Variants in ROBO4 observed in about 807,000 individuals in gnomAD.
ROBO4 encodes the protein roundabout guidance receptor 4.
Under a neutral mutation model 103.3 loss-of-function variants are expected in ROBO4, and 80 were observed. The ratio of observed to expected loss-of-function variants is 0.77; its 90% CI spans 0.65 to 0.93. ROBO4 has a LOEUF of 0.93. ROBO4 is among the 40% of genes least tolerant of loss of function. The pLI, the probability that ROBO4 is intolerant of heterozygous loss-of-function variation, is 0.00. For synonymous variants in ROBO4, 504 were observed against 529.7 expected, an observed-to-expected ratio of 0.95 and a Z score of 0.67; for missense variants, 1,333 against 1,305.3, an observed-to-expected ratio of 1.02 and a Z score of -0.33.
chr11:124,895,779 C>G lies in ROBO4; in HGVS notation c.807+6G>C, dbSNP rs1235457778. On this transcript the variant is annotated splice_donor_region_variant and intron_variant, in intron 5 of 17. Coordinates refer to ENST00000306534, the MANE Select transcript of ROBO4 (RefSeq NM_019055.6). ...TCGGCTTTTACCCTTAGCACCTGGT[C>G]CTCACCTTCCAGCTGAGCCACACCG... is the stretch of plus-strand genomic sequence containing the variant. The G allele has an allele frequency of 6.2e-7, 1 of 1,614,126 alleles. No individual in the cohort carries two copies. The highest frequency in any genetic ancestry group is 2.2e-5 in the East Asian group (1 of 44,876).
rs765501810 is a variant in ROBO4, at chr11:124,887,764, A to G, written c.2025T>C (p.Asn675=). The change falls in exon 13 of 18, where the codon AAT becomes AAC. Residue 675 remains asparagine (N), a synonymous_variant. Coordinates refer to ENST00000306534, the MANE Select transcript of ROBO4 (RefSeq NM_019055.6). ...SLELRACELG[N]RGSKNLSQSP... Reference sequence around the variant, plus strand: ...TTTGGGAAAGGTTCTTGGAACCTCTATTTCCTAACTCACAGGCCCGGAGCT... The same window carrying G: ...TTTGGGAAAGGTTCTTGGAACCTCTGTTTCCTAACTCACAGGCCCGGAGCT... The G allele has an allele frequency of 5.1e-5, 83 of 1,613,824 alleles. No homozygotes were observed. Among genetic ancestry groups the G allele is most frequent in the Admixed American group, 3.7e-4 (22 of 59,960 alleles).
In ROBO4 at chr11:124,896,725, C is replaced by T. The variant is rs1330340523; in HGVS notation, c.401-55G>A. 8 of 1,576,096 alleles carry T rather than the reference C, an allele frequency of 5.1e-6. No homozygotes were observed. In the South Asian group the frequency reaches 9.3e-5, roughly 18 times the overall value. ...CAGGGCCCAGGCCTCTTCTCTCTCCCTTATCACTCTTGCCCCCTTCTGCTT... is the reference window on the plus strand; with the variant it reads ...CAGGGCCCAGGCCTCTTCTCTCTCCTTTATCACTCTTGCCCCCTTCTGCTT... On this transcript the variant is annotated intron_variant, in intron 2 of 17. Transcript: ENST00000306534.
chr11:124,887,084 G>A lies in ROBO4; in HGVS notation c.2328C>T (p.Arg776=), dbSNP rs765855965. 6 of 1,613,842 alleles carry A rather than the reference G, an allele frequency of 3.7e-6. No individual in the cohort carries two copies. Among genetic ancestry groups the A allele is most frequent in the Admixed American group, 1.7e-5 (1 of 60,016 alleles). Reference sequence around the variant, plus strand: ...GGGATGACAGTGAGGAGCTGGACAGGCGACTGGAAGCTGGGCTGGGGCCAG... The same window carrying A: ...GGGATGACAGTGAGGAGCTGGACAGACGACTGGAAGCTGGGCTGGGGCCAG... ...SLSGPSPASS[R]LSSSSLSSLG... is the part of the protein sequence containing the mutation. The change falls in exon 15 of 18, where the codon CGC becomes CGT. Residue 776 remains arginine, a synonymous_variant. Coordinates refer to ENST00000306534, the MANE Select transcript of ROBO4 (RefSeq NM_019055.6).
intron 16 of ROBO4, among the ~76,000 whole-genome samples, chr11:124,886,149 C>T (rs1219398991): frequency 1.3e-5 from 2 of 152,208 alleles, no homozygotes; most frequent in Non-Finnish European, 2.9e-5. Flanking sequence ...TGAGATCATG[C>T]CACTGCCTGG....
Position 124,886,598 on chromosome 11 carries a change from C to T in ROBO4, c.2660G>A (p.Ser887Asn), listed in dbSNP as rs1691174761. 6.2e-7 allele frequency: 1 copy of T among 1,614,210 alleles called. No homozygotes were observed. The change falls in exon 16 of 18, where the codon AGC becomes AAC. Residue 887 changes from serine (S) to asparagine (N), a missense_variant. Transcript: ENST00000306534. ...GGAGCTGACAAGGCTGGCTCTGGCG[C>T]TGGCGGCATTGTCCTCAGAGGCTGA... ...WGSASEDNAASARASLVSSSD... is the reference protein window; with the variant it reads ...WGSASEDNAANARASLVSSSD...
At chr11:124,885,340 G>A in intron 16 of ROBO4, 93 bp from the exon 17 acceptor site, 2 of 1,047,602 alleles carry the variant, frequency 1.9e-6, no homozygotes, top group Non-Finnish European at 2.8e-6. Flanking sequence ...CTCAGGGCAT[G>A]TACCCAGCCC....
Position 124,891,536 on chromosome 11 carries a change from C to T in ROBO4, c.1711G>A (p.Gly571Ser), listed in dbSNP as rs369179467. The T allele has an allele frequency of 3.0e-5, 49 of 1,614,030 alleles. No individual in the cohort carries two copies. The highest frequency in any genetic ancestry group is 2.2e-4 in the Admixed American group (13 of 60,000). The change falls in exon 12 of 18, where the codon GGC becomes AGC. Residue 571 changes from glycine to serine, a missense_variant. Gly to Ser is a moderately conservative substitution (Grantham distance 56). Transcript: ENST00000306534. ...CTGGTGTCTGGAAGCAGGGGCACGCCGGGGCTTCGGGAGTCCCAGGAGAGC... is the reference window on the plus strand; with the variant it reads ...CTGGTGTCTGGAAGCAGGGGCACGCTGGGGCTTCGGGAGTCCCAGGAGAGC... The part of the protein sequence containing the change: ...SLLSWDSRSP[G>S]VPLLPDTSTF...
chr11:124,895,947 G>A, intron 4 of ROBO4, 35 bp from the exon 5 acceptor site: 1 of 1,611,274 alleles, frequency 6.2e-7, no homozygotes, highest in Non-Finnish European at 8.5e-7. Flanking sequence ...GGGGCTTATA[G>A]GCCAGAGTGA....
At chr11:124,885,845 G>C (rs1377496802) in intron 16 of ROBO4, among the ~76,000 whole-genome samples, 2 of 152,148 alleles carry the variant, frequency 1.3e-5, no homozygotes, top group African/African-American at 4.8e-5. Context: ...CGGGGTAAGA[G>C]GGGAGTCCTA....
chr11:124,895,002 G>A, intron 7 of ROBO4, 79 bp downstream of exon 7: 3 of 1,122,774 alleles, frequency 2.7e-6, no homozygotes, highest in Non-Finnish European at 2.7e-6. Flanking sequence ...TCAGTGCCCA[G>A]AGCAAGGGTA....
chr11:124,895,338 G>T (rs905320982), intron 6 of ROBO4, 119 bp downstream of exon 6: 48 of 1,180,544 alleles, frequency 4.1e-5, no homozygotes, highest in Admixed American at 6.0e-5. Context: ...GGGCAGAAGG[G>T]AGTCCCAGGG....
chr11:124,892,050 A>G, intron 10 of ROBO4: 1 of 685,338 alleles, frequency 1.5e-6, no homozygotes, highest in Non-Finnish European at 2.7e-6. Flanking sequence ...TAGTAATGAC[A>G]GACAGCTATG....
At chr11:124,894,465 G>A in intron 7 of ROBO4, 96 bp from the exon 8 acceptor site, 1 of 1,278,094 alleles carries the variant, frequency 7.8e-7, no homozygotes, top group South Asian at 1.5e-5. Flanking sequence ...TGGTTATTCT[G>A]CCCTGCCATC....
Position 124,891,454 on chromosome 11 carries a change from C to G in ROBO4, c.1793G>C (p.Ser598Thr), listed in dbSNP as rs1227471101. The change falls in exon 12 of 18, where the codon AGT (serine) becomes ACT (threonine). Residue 598 changes from serine (S) to threonine (T), a missense_variant. Physicochemically the swap from Ser to Thr is moderately conservative, Grantham distance 58 (BLOSUM62 1). Coordinates refer to ENST00000306534, the MANE Select transcript of ROBO4 (RefSeq NM_019055.6). ...ELPSSTPARP[S>T]PQVPAVRRLP... Reference sequence around the variant, plus strand: ...GCGCCTGACAGCTGGGACCTGGGGACTTGGCCTGGCTGGGGTACTGGAGGG... The same window carrying G: ...GCGCCTGACAGCTGGGACCTGGGGAGTTGGCCTGGCTGGGGTACTGGAGGG... 2 of 1,606,544 alleles carry G rather than the reference C, an allele frequency of 1.2e-6. No individual in the cohort carries two copies. The highest frequency in any genetic ancestry group is 2.7e-5 in the African/African-American group (2 of 74,982).
chr11:124,886,458 A>G lies in ROBO4; in HGVS notation c.2794+6T>C. On this transcript the variant is annotated splice_donor_region_variant and intron_variant, in intron 16 of 17. Coordinates refer to ENST00000306534, the MANE Select transcript of ROBO4 (RefSeq NM_019055.6). ...GTGAGGAGTAAGATGGGGAGACCTC[A>G]CATACCTATGAAGACGCAGTCTGCC... The G allele has an allele frequency of 6.2e-7, 1 of 1,606,970 alleles. No homozygotes were observed. The highest frequency in any genetic ancestry group is 8.5e-7 in the Non-Finnish European group (1 of 1,174,126).
rs1946691287 is a variant in ROBO4, at chr11:124,885,189, C to A, written c.2853G>T (p.Leu951=). The A allele has an allele frequency of 1.2e-6, 2 of 1,613,860 alleles. No homozygotes were observed. The highest frequency in any genetic ancestry group is 1.7e-6 in the Non-Finnish European group (2 of 1,180,000). ...AGTCTGGCCTCCACTCCCACAGGGG[C>A]AGGGAGAGGTTGGGGGTCAGGAAGA... ...DEIFLTPNLS[L]PLWEWRPDWL... is the part of the protein sequence containing the mutation. Residue 951 remains leucine (L), a synonymous_variant, in exon 17 of 18, where the codon CTG becomes CTT. Transcript: ENST00000306534.
At chr11:124,891,084 CAA>C (rs1219375880) in intron 12 of ROBO4, among the ~76,000 whole-genome samples, 2 of 152,202 alleles carry the variant, frequency 1.3e-5, no homozygotes, top group African/African-American at 4.8e-5. Context: ...CAAACTGAAA[CAA>C]GAGCACAGTG....
chr11:124,893,199 A>G (rs529868902), intron 10 of ROBO4, among the ~76,000 whole-genome samples: 1 of 152,226 alleles, frequency 6.6e-6, no homozygotes, highest in Non-Finnish European at 1.5e-5. Flanking sequence ...CCGGAAGCAG[A>G]AGGGCCCATG....
intron 1 of ROBO4, chr11:124,897,470 GCTCTCTCTCT>G (rs10553259): frequency 5.9e-6 from 3 of 507,894 alleles, no homozygotes; most frequent in Non-Finnish European, 1.1e-5. Context: ...TAGCATGTTC[GCTCTCTCTCT>G]CTCTCTCTCT....
Sources: gnomAD v4.1 joint callset for allele counts (sites outside exome capture counted in the v4.1 genomes callset) on GRCh38, gnomAD v4.1.1 for gene constraint, MANE v1.5 for transcripts, NCBI Gene and HGNC (gene_info 2026-07-23, HGNC 2026-07-21) for gene names.